The following SHC2 variants were observed in gnomAD, a reference collection of about 807,000 sequenced individuals.
The protein encoded by SHC2 is SHC adaptor protein 2, also known as SHC-transforming protein 2.
Under a neutral mutation model 60.6 loss-of-function variants are expected in SHC2, and 62 were observed. The ratio of observed to expected loss-of-function variants is 1.02; its 90% CI spans 0.83 to 1.26. The LOEUF (loss-of-function observed/expected upper bound fraction) is 1.26, where lower values mean the gene tolerates loss of function less well. Among genes scored for constraint, SHC2 ranks in the 50% most tolerant of loss-of-function variants. The pLI, the probability that SHC2 is intolerant of heterozygous loss-of-function variation, is 0.00. For synonymous variants in SHC2, 375 were observed against 372.4 expected, an observed-to-expected ratio of 1.01 and a Z score of -0.08; for missense variants, 873 against 822.2, an observed-to-expected ratio of 1.06 and a Z score of -0.76.
Position 460,754 on chromosome 19 carries a change from G to T in SHC2, c.243C>A (p.Gly81=). The T allele has an allele frequency of 2.0e-6, 2 of 979,486 alleles. No individual in the cohort carries two copies. Among genetic ancestry groups the T allele is most frequent in the African/African-American group, 1.8e-5 (1 of 56,504 alleles). The allele number at this position is 979,486 out of a possible 1,614,324, so 60.7% of individuals were successfully genotyped here. ...GVPALAAAVL[G]ACEPRCAAPC... ...GCGCGGCGCAGCGGGGCTCGCAGGC[G>T]CCCAGGACGGCGGCCGCCAGCGCCG... Residue 81 remains glycine, a synonymous_variant, in exon 1 of 13, where the codon GGC becomes GGA. Coordinates refer to ENST00000264554, the MANE Select transcript of SHC2 (RefSeq NM_012435.3).
At chr19:456,256 C>T (rs971221357) in intron 1 of SHC2, among the ~76,000 whole-genome samples, 2 of 152,184 alleles carry the variant, frequency 1.3e-5, no homozygotes, top group African/African-American at 4.8e-5. Flanking sequence ...GAGGGACCGG[C>T]TGTCCCTGTG....
Position 440,743 on chromosome 19 carries a change from G to A in SHC2, c.539+119C>T, listed in dbSNP as rs1032204415. The A allele has an allele frequency of 1.7e-5, 14 of 833,978 alleles. No individual in the cohort carries two copies. Among genetic ancestry groups the A allele is most frequent in the Admixed American group, 1.5e-4 (8 of 53,130 alleles). The allele number at this position is 833,978 out of a possible 1,614,324, so 51.7% of individuals were successfully genotyped here. On this transcript the variant is annotated intron_variant, in intron 2 of 12. Transcript: ENST00000264554. This position sits in a 1 kb window ranked among gnomAD's most constrained non-coding sequence, Gnocchi z 7.0. ...GTGGGAGGGAGGTGGGGGGCACCGA[G>A]GCTGCGTCCTGGGACCCCAGCGCGG...
rs144361798 is a variant in SHC2, at chr19:416,831, T to A, written c.*497A>T. 2.0e-5 allele frequency: 3 copies of A among 152,068 alleles called. No homozygotes were observed. The highest frequency in any genetic ancestry group is 7.3e-5 in the African/African-American group (3 of 41,280). The allele number at this position is 152,068 out of a possible 1,614,324, so 9.4% of individuals were successfully genotyped here. A position where few individuals can be genotyped will look rare whatever the true frequency, so the allele number is the denominator to read the frequency against. On this transcript the variant is annotated 3_prime_UTR_variant, in exon 13 of 13. Transcript: ENST00000264554. ...GGCTGCCTGCACTTCAGCGCCAGCA[T>A]GTATCCTGGCCTGAGAACCCCAAAG...
chr19:429,613 A>C (rs1486222288), intron 9 of SHC2, among the ~76,000 whole-genome samples: 29 of 137,464 alleles, frequency 2.1e-4, no homozygotes, highest in African/African-American at 8.4e-4. Flanking sequence ...AGAGAAACCT[A>C]ATACCGTGTG....
rs1974853317 is a variant in SHC2, at chr19:441,029, G to A, written c.469-97C>T. The A allele has an allele frequency of 2.6e-6, 4 of 1,531,780 alleles. No homozygotes were observed. In the East Asian group the frequency reaches 6.8e-5, roughly 26 times the overall value. The allele number at this position is 1,531,780 out of a possible 1,614,324, so 94.9% of individuals were successfully genotyped here. On this transcript the variant is annotated intron_variant, in intron 1 of 12. Transcript: ENST00000264554. This position sits in a 1 kb window ranked among gnomAD's most constrained non-coding sequence, Gnocchi z 4.9. Reference sequence around the variant, plus strand: ...CCCTTCGCCGCCTCCACCACCCCTGGGGTCGAGCCCTTTCCTCTGTCCCTG... The same window carrying A: ...CCCTTCGCCGCCTCCACCACCCCTGAGGTCGAGCCCTTTCCTCTGTCCCTG...
chr19:436,833 G>A, intron 4 of SHC2, 150 bp from the exon 5 acceptor site: 1 of 781,026 alleles, frequency 1.3e-6, no homozygotes, highest in Non-Finnish European at 2.1e-6. Flanking sequence ...CTGCAGCCGG[G>A]TCCTGGGTCA....
chr19:450,801 ACGCCGTGGC>A (rs1220283003), intron 1 of SHC2, among the ~76,000 whole-genome samples: 2 of 151,544 alleles, frequency 1.3e-5, no homozygotes, highest in African/African-American at 4.9e-5. Context: ...GTGGATGGCC[ACGCCGTGGC>A]CACGTCATAT....
At chr19:449,090 C>T (rs1223972465) in intron 1 of SHC2, among the ~76,000 whole-genome samples, 1 of 152,132 alleles carries the variant, frequency 6.6e-6, no homozygotes, top group Non-Finnish European at 1.5e-5. Context: ...ATCGCTTGAA[C>T]GCAGGAGGTG....
intron 1 of SHC2, among the ~76,000 whole-genome samples, chr19:449,011 TACAA>T (rs890795943): frequency 7.0e-5 from 10 of 143,388 alleles, no homozygotes; most frequent in African/African-American, 2.6e-4. Context: ...AATACAAAAA[TACAA>T]AAAGTAGCCA....
intron 1 of SHC2, among the ~76,000 whole-genome samples, chr19:450,387 A>G (rs1373919172): frequency 1.3e-5 from 2 of 152,168 alleles, no homozygotes; most frequent in Non-Finnish European, 2.9e-5. Context: ...ACTGTCTTTA[A>G]TCGCACGGTT....
At chr19:436,775 G>A (rs1056590281) in intron 4 of SHC2, 92 bp from the exon 5 acceptor site, 29 of 1,226,550 alleles carry the variant, frequency 2.4e-5, no homozygotes, top group Non-Finnish European at 3.3e-5. Flanking sequence ...GAAGAGTGGG[G>A]CAGGGGCAGG....
At chr19:431,241 A>C (rs913503617) in intron 8 of SHC2, among the ~76,000 whole-genome samples, 5 of 150,130 alleles carry the variant, frequency 3.3e-5, no homozygotes, top group African/African-American at 9.9e-5. Context: ...ACCTCGTCTA[A>C]TGTGTCCAGA....
rs774992043 is a variant in SHC2, at chr19:436,259, C to T, written c.859G>A (p.Ala287Thr). 3.1e-6 allele frequency: 5 copies of T among 1,596,150 alleles called. No homozygotes were observed. The highest frequency in any genetic ancestry group is 1.7e-4 in the Middle Eastern group (1 of 6,042). ...CHILECCEGL[A>T]QSIISTVGQA... The stretch of plus-strand genomic sequence containing the variant: ...CCCACGGTGCTGATGATGCTCTGTG[C>T]CAGGCCCTCACAGCACTCCAGGATG... The change falls in exon 7 of 13, where the codon GCA (alanine) becomes ACA (threonine). Residue 287 changes from alanine to threonine, a missense_variant. Physicochemically the swap from Ala to Thr is moderately conservative, Grantham distance 58. Coordinates refer to ENST00000264554, the MANE Select transcript of SHC2 (RefSeq NM_012435.3).
intron 1 of SHC2, among the ~76,000 whole-genome samples, 170 bp downstream of exon 1, chr19:460,359 G>A (rs1361127896): frequency 6.6e-6 from 1 of 151,982 alleles, no homozygotes; most frequent in Non-Finnish European, 1.5e-5. Context: ...AGCGCCTCCG[G>A]GTGGGGGCAG....
chr19:418,210 G>A (rs1974196533), intron 12 of SHC2, among the ~76,000 whole-genome samples: 1 of 152,144 alleles, frequency 6.6e-6, no homozygotes, highest in South Asian at 2.1e-4. Flanking sequence ...TCACACGCCA[G>A]CCCCTGCCTG....
intron 1 of SHC2, among the ~76,000 whole-genome samples, chr19:456,731 T>C (rs1272327808): frequency 1.1e-3 from 103 of 96,476 alleles, no homozygotes; most frequent in Middle Eastern, 9.4e-3. Context: ...GTCTGCAAAC[T>C]CCACCGCGTC....
chr19:460,012 A>C (rs1369089269), intron 1 of SHC2, among the ~76,000 whole-genome samples: 3 of 152,170 alleles, frequency 2.0e-5, no homozygotes, highest in Non-Finnish European at 4.4e-5. Flanking sequence ...AGGTTCATTT[A>C]TCATAAGACC....
intron 8 of SHC2, among the ~76,000 whole-genome samples, chr19:431,518 G>A (rs377395550): frequency 2.4e-5 from 1 of 41,826 alleles, no homozygotes; most frequent in Non-Finnish European, 3.9e-5. Context: ...GAGTGAGATC[G>A]TGAGTGAGAG....
chr19:437,031 G>A (rs1390779111), intron 4 of SHC2, among the ~76,000 whole-genome samples: 1 of 150,614 alleles, frequency 6.6e-6, no homozygotes, highest in African/African-American at 2.4e-5. Context: ...CCACACACAT[G>A]CACACACACA....
Sources: allele counts gnomAD v4.1 joint callset (sites outside exome capture counted in the v4.1 genomes callset), GRCh38; gene constraint gnomAD v4.1.1; non-coding constraint Gnocchi (gnomAD v3.1); transcripts MANE v1.5; gene names NCBI Gene and HGNC (gene_info 2026-07-23, HGNC 2026-07-21).